The following ERBB4 variants were observed in gnomAD, a reference collection of about 807,000 sequenced individuals.
ERBB4 encodes erb-b2 receptor tyrosine kinase 4.
A neutral mutation model predicts 158.0 loss-of-function variants in ERBB4; 42 were observed. That is an observed-to-expected ratio of 0.27 (90% confidence interval 0.21 to 0.34). The LOEUF (loss-of-function observed/expected upper bound fraction) is 0.34. ERBB4 is among the 10% of genes least tolerant of loss of function. ERBB4 has a pLI of 1.00. For synonymous variants in ERBB4, 583 were observed against 558.7 expected (o/e 1.04, Z -0.61); for missense variants, 1,333 against 1,624.1 (o/e 0.82, Z 3.08).
At chr2:212,530,578 T>C (rs1363623750) in intron 1 of ERBB4, among the ~76,000 whole-genome samples, 1 of 152,106 alleles carries the variant, frequency 6.6e-6, no homozygotes, top group Admixed American at 6.6e-5. Context: ...CACTTATTGC[T>C]CAAGTCACAG....
rs1195021367 is a variant in ERBB4, at chr2:211,919,575, T to C, written c.421+27855A>G. On this transcript the variant is annotated intron_variant, in intron 3 of 27. Transcript: ENST00000342788. ...TCTTATTTAATCCCATCAGGTCTTA[T>C]GGTATTTATCCTTTGGGGCTCATGA... 3.9e-5 allele frequency among the ~76,000 whole-genome samples: 6 copies of C among 152,178 alleles called. No homozygotes were observed. In the South Asian group the frequency reaches 1.2e-3, roughly 32 times the overall value.
At chr2:212,495,760 G>C (rs551063541) in intron 1 of ERBB4, among the ~76,000 whole-genome samples, 1 of 152,198 alleles carries the variant, frequency 6.6e-6, no homozygotes, top group South Asian at 2.1e-4. Flanking sequence ...TTACATAGAC[G>C]AATGTCATAC....
intron 19 of ERBB4, among the ~76,000 whole-genome samples, chr2:211,572,937 C>G (rs1006620237): frequency 2.0e-5 from 3 of 152,152 alleles, no homozygotes; most frequent in Non-Finnish European, 4.4e-5. Context: ...GCTAAACAGT[C>G]ATTGTGTGGT....
chr2:212,270,146 T>C (rs939542786), intron 1 of ERBB4, among the ~76,000 whole-genome samples: 1 of 151,780 alleles, frequency 6.6e-6, no homozygotes, highest in African/African-American at 2.4e-5. Flanking sequence ...ATTAATAATA[T>C]GCAATATACA....
chr2:211,394,196 G>T (rs990555547), intron 25 of ERBB4, among the ~76,000 whole-genome samples: 8 of 152,116 alleles, frequency 5.3e-5, no homozygotes, highest in Non-Finnish European at 8.8e-5. Context: ...TGGAATCAAA[G>T]AATGTTATTA....
At chr2:212,247,270 T>C (rs757543444) in intron 1 of ERBB4, among the ~76,000 whole-genome samples, 88 of 152,306 alleles carry the variant, frequency 5.8e-4, no homozygotes, top group African/African-American at 2.0e-3. Context: ...TCTAAGTAGA[T>C]ATAATTCTTC....
At chr2:212,450,894 G>C (rs747142133) in intron 1 of ERBB4, among the ~76,000 whole-genome samples, 4 of 150,704 alleles carry the variant, frequency 2.7e-5, no homozygotes, top group Non-Finnish European at 5.9e-5. Flanking sequence ...GGGAGGCCAA[G>C]GCAGGAGGAC....
At chr2:211,433,596 TA>T (rs1452146349) in intron 20 of ERBB4, among the ~76,000 whole-genome samples, 3 of 149,402 alleles carry the variant, frequency 2.0e-5, no homozygotes, top group Middle Eastern at 3.2e-3. Context: ...TAAAATAAAA[TA>T]AAAAAAGGGG....
intron 4 of ERBB4, among the ~76,000 whole-genome samples, chr2:211,774,722 T>G (rs1248017535): frequency 6.6e-6 from 1 of 151,768 alleles, no homozygotes; most frequent in Admixed American, 6.6e-5. Flanking sequence ...AATTTCCTTT[T>G]ACTTTTTGTA....
Position 212,165,610 on chromosome 2 carries a change from G to T in ERBB4, c.83-40707C>A, listed in dbSNP as rs140577625. Among the ~76,000 whole-genome samples, 543 of 151,990 alleles carry T rather than the reference G, an allele frequency of 3.6e-3. 1 individual carries two copies. Among genetic ancestry groups the T allele is most frequent in the African/African-American group, 0.012 (496 of 41,482 alleles). On this transcript the variant is annotated intron_variant, in intron 1 of 27. Transcript: ENST00000342788. ...CTGATAAAATACCACAGAATTGGCTGACACATCCTTAAAATTTATTTCATC... is the reference window on the plus strand; with the variant it reads ...CTGATAAAATACCACAGAATTGGCTTACACATCCTTAAAATTTATTTCATC...
At chr2:211,708,318 A>G (rs539941682) in intron 9 of ERBB4, among the ~76,000 whole-genome samples, 1 of 152,166 alleles carries the variant, frequency 6.6e-6, no homozygotes, top group Non-Finnish European at 1.5e-5. Context: ...CTTATAAATT[A>G]TACTTGAGAC....
At chr2:212,150,136 A>G (rs1006346221) in intron 1 of ERBB4, among the ~76,000 whole-genome samples, 1 of 152,152 alleles carries the variant, frequency 6.6e-6, no homozygotes, top group Non-Finnish European at 1.5e-5. Flanking sequence ...GCAGAAATTT[A>G]CCCTCTCACA....
Position 211,665,472 on chromosome 2 carries a change from A to G in ERBB4, c.1722T>C (p.Pro574=). Residue 574 remains proline, a synonymous_variant, in exon 15 of 28, where the codon CCT becomes CCC. Coordinates refer to ENST00000342788, the MANE Select transcript of ERBB4 (RefSeq NM_005235.3). ...AATGAGAGCACTTTGTACAGTTGTC[A>G]GGACCCTGAAATGTGAAAACGAAAA... ...DGLLTCHGPG[P]DNCTKCSHFK... is the part of the protein sequence containing the mutation. The G allele has an allele frequency of 2.5e-6, 4 of 1,614,070 alleles. No individual in the cohort carries two copies. Among genetic ancestry groups the G allele is most frequent in the Non-Finnish European group, 3.4e-6 (4 of 1,179,962 alleles).
At chr2:212,473,198 T>C (rs1393226362) in intron 1 of ERBB4, among the ~76,000 whole-genome samples, 1 of 152,032 alleles carries the variant, frequency 6.6e-6, no homozygotes, top group Non-Finnish European at 1.5e-5. Context: ...TGGTTTATTA[T>C]TATTCTGTAG....
chr2:211,544,430 T>C (rs373956337), intron 20 of ERBB4, among the ~76,000 whole-genome samples: 69 of 152,136 alleles, frequency 4.5e-4, no homozygotes, highest in African/African-American at 1.4e-3. Flanking sequence ...CGTAGAGTTA[T>C]ACAATAGAGT....
At chr2:212,335,297 C>T (rs924613255) in intron 1 of ERBB4, among the ~76,000 whole-genome samples, 3 of 151,650 alleles carry the variant, frequency 2.0e-5, no homozygotes, top group African/African-American at 4.8e-5. Context: ...TTCATCTTAA[C>T]AATACAAAAT....
chr2:211,408,911 T>C (rs1217659890), intron 25 of ERBB4, among the ~76,000 whole-genome samples: 2 of 152,194 alleles, frequency 1.3e-5, no homozygotes, highest in Non-Finnish European at 2.9e-5. Flanking sequence ...ATAAAAGTGA[T>C]TCACTGATTT....
At chr2:212,009,156 A>T (rs1399002651) in intron 2 of ERBB4, among the ~76,000 whole-genome samples, 2 of 152,092 alleles carry the variant, frequency 1.3e-5, no homozygotes, top group African/African-American at 2.4e-5. Flanking sequence ...GGTGTCCCCC[A>T]ACCCCCCAAA....
At chr2:211,662,639 CTTG>C (rs1433066145) in intron 15 of ERBB4, among the ~76,000 whole-genome samples, 5 of 152,048 alleles carry the variant, frequency 3.3e-5, no homozygotes, top group African/African-American at 7.2e-5. Flanking sequence ...AAGAGACAAA[CTTG>C]TTGTTTTCAT....
Sources: gnomAD v4.1 joint callset for allele counts (sites outside exome capture counted in the v4.1 genomes callset) on GRCh38, gnomAD v4.1.1 for gene constraint, MANE v1.5 for transcripts, NCBI Gene and HGNC (gene_info 2026-07-23, HGNC 2026-07-21) for gene names.